Variants in PM20D2 observed in about 807,000 individuals in gnomAD.
The protein encoded by PM20D2 is peptidase M20 domain containing 2.
In PM20D2, 33 loss-of-function variants were observed where a neutral mutation model predicts 42.9. The ratio of observed to expected loss-of-function variants is 0.77; its 90% confidence interval spans 0.58 to 1.03. PM20D2 has a LOEUF of 1.03. Ranked by LOEUF, PM20D2 falls within the 50% of genes least tolerant of loss-of-function variation. The pLI is 0.00. For synonymous variants in PM20D2, 250 were observed against 228.2 expected (o/e 1.10, Z -0.86); for missense variants, 548 against 557.0 (o/e 0.98, Z 0.16).
intron 4 of PM20D2, among the ~76,000 whole-genome samples, chr6:89,155,639 C>G (rs1771020235): frequency 6.6e-6 from 1 of 152,116 alleles, no homozygotes; most frequent in Non-Finnish European, 1.5e-5. Context: ...GATATAAATA[C>G]TATGGCTTGC....
At chr6:89,143,288 A>T (rs1336520446), upstream of PM20D2, among the ~76,000 whole-genome samples, 1 of 152,188 alleles carries the variant, frequency 6.6e-6, no homozygotes, top group Admixed American at 6.5e-5. Flanking sequence ...GCTGTATTTT[A>T]GTTGCTTTTC....
chr6:89,156,560 A>G lies in PM20D2; in HGVS notation c.912+1658A>G, dbSNP rs563101585. ...GATTCACGTAGTAGCAGTATCTCAC[A>G]GTAGCAGTAATTCTCAGAAAGCATA... On this transcript the variant is annotated intron_variant, in intron 4 of 6. Coordinates refer to ENST00000275072, the MANE Select transcript of PM20D2 (RefSeq NM_001010853.3). Among the ~76,000 whole-genome samples, 5 of 152,342 alleles carry G rather than the reference A, an allele frequency of 3.3e-5. No homozygotes were observed. The East Asian group carries it at 9.6e-4, about 29-fold the overall frequency.
chr6:89,096,015 G>GA, the PM20D2 span: 1 of 152,144 alleles, frequency 6.6e-6, no homozygotes, highest in South Asian at 2.1e-4. Context: ...AATGGGCCAA[G>GA]AAACAATTCT....
Position 89,158,353 on chromosome 6 carries a change from A to G in PM20D2, c.941A>G (p.Tyr314Cys), listed in dbSNP as rs775511929. ...GAAATTAAAGGTGGAGCACATGATT[A>G]TTACAATGTTCTTCCCAATAAGAGC... ...TVEIKGGAHD[Y>C]YNVLPNKSLW... The change falls in exon 5 of 7, where the codon TAT (tyrosine) becomes TGT (cysteine). Residue 314 changes from tyrosine (Y) to cysteine (C), a missense_variant. Coordinates refer to ENST00000275072, the MANE Select transcript of PM20D2 (RefSeq NM_001010853.3). The G allele has an allele frequency of 1.3e-6, 2 of 1,598,168 alleles. No homozygotes were observed. Among genetic ancestry groups the G allele is most frequent in the Non-Finnish European group, 1.7e-6 (2 of 1,176,164 alleles).
At chr6:89,105,138 GCCT>G in the PM20D2 span, 1 of 1,612,004 alleles carries the variant, frequency 6.2e-7, no homozygotes, top group Non-Finnish European at 8.5e-7. Flanking sequence ...CTGTCTGACC[GCCT>G]CCTATTTCTT....
chr6:89,137,119 T>C, the PM20D2 span, among the ~76,000 whole-genome samples: 1 of 146,980 alleles, frequency 6.8e-6, no homozygotes, highest in Non-Finnish European at 1.5e-5. Context: ...CTGCTTTGGA[T>C]ATTAAATCAA....
At chr6:89,157,176 G>A (rs1771077765) in intron 4 of PM20D2, among the ~76,000 whole-genome samples, 2 of 152,072 alleles carry the variant, frequency 1.3e-5, no homozygotes, top group East Asian at 3.9e-4. Flanking sequence ...AGTGATCCTC[G>A]TGCTTTGGCC....
At chr6:89,148,478 A>T (rs940435174) in intron 1 of PM20D2, 2 of 893,110 alleles carry the variant, frequency 2.2e-6, no homozygotes, top group South Asian at 1.0e-4. Context: ...AAGCTTAAAT[A>T]TCAAAGTAAA....
chr6:89,154,814 T>C lies in PM20D2; in HGVS notation c.824T>C (p.Phe275Ser). Residue 275 changes from phenylalanine to serine, a missense_variant, in exon 4 of 7, where the codon TTC becomes TCC. Physicochemically the swap from Phe to Ser is radical, Grantham distance 155. Around this residue, in one of 3 missense-constraint regions of PM20D2, gnomAD observed 470 missense variants for 464.4 expected, o/e 1.01. Coordinates refer to ENST00000275072, the MANE Select transcript of PM20D2 (RefSeq NM_001010853.3). Reference protein sequence around the residue: ...IPSYSELIYYFRAPSMKELQV... With the variant: ...IPSYSELIYYSRAPSMKELQV... ...TCTTATTCTGAATTAATCTATTACT[T>C]CCGTGCACCCTCAATGAAAGAACTT... The C allele has an allele frequency of 6.2e-7, 1 of 1,608,962 alleles. No homozygotes were observed. Among genetic ancestry groups the C allele is most frequent in the Non-Finnish European group, 8.5e-7 (1 of 1,177,642 alleles).
chr6:89,111,872 G>A, the PM20D2 span, among the ~76,000 whole-genome samples: 1 of 152,132 alleles, frequency 6.6e-6, no homozygotes, highest in Admixed American at 6.5e-5. Flanking sequence ...GTCTCACTCT[G>A]TCACCTAGAC....
the PM20D2 span, among the ~76,000 whole-genome samples, chr6:89,134,106 G>C: frequency 2.0e-5 from 3 of 150,978 alleles, no homozygotes; most frequent in Non-Finnish European, 4.4e-5. Flanking sequence ...TTGCAGCCTC[G>C]GCCCTGACTC....
At chr6:89,114,774 G>A in the PM20D2 span, among the ~76,000 whole-genome samples, 1 of 152,112 alleles carries the variant, frequency 6.6e-6, no homozygotes, top group East Asian at 1.9e-4. Context: ...GTATAAATAT[G>A]AAATTGCCAA....
the PM20D2 span, among the ~76,000 whole-genome samples, chr6:89,099,626 C>G: frequency 6.6e-6 from 1 of 151,056 alleles, no homozygotes. Context: ...ACCTCCGCCT[C>G]CCAGGTTTGA....
the PM20D2 span, among the ~76,000 whole-genome samples, chr6:89,108,642 G>A: frequency 1.3e-5 from 2 of 152,150 alleles, no homozygotes; most frequent in African/African-American, 4.8e-5. Context: ...AAAAGATGGT[G>A]TCAGTGACAA....
the PM20D2 span, among the ~76,000 whole-genome samples, chr6:89,113,881 G>A: frequency 1.3e-5 from 2 of 152,040 alleles, no homozygotes; most frequent in Non-Finnish European, 2.9e-5. Flanking sequence ...GAGCTTAAGT[G>A]ATCTACCCAC....
At chr6:89,161,209 C>A (rs1254174049) in intron 5 of PM20D2, among the ~76,000 whole-genome samples, 1 of 152,050 alleles carries the variant, frequency 6.6e-6, no homozygotes, top group Non-Finnish European at 1.5e-5. Context: ...GTTTGATCTA[C>A]CTTGAAGACA....
At chr6:89,112,850 C>G in the PM20D2 span, among the ~76,000 whole-genome samples, 1 of 152,180 alleles carries the variant, frequency 6.6e-6, no homozygotes. Context: ...CTGTCCTAGA[C>G]AGGTGTACCT....
intron 2 of PM20D2, among the ~76,000 whole-genome samples, chr6:89,150,188 C>T (rs1770779960): frequency 1.3e-5 from 2 of 152,174 alleles, no homozygotes; most frequent in African/African-American, 2.4e-5. Flanking sequence ...GGTATCCCAC[C>T]TCTTAGCACC....
chr6:89,125,803 C>T, the PM20D2 span, among the ~76,000 whole-genome samples: 1 of 149,780 alleles, frequency 6.7e-6, no homozygotes, highest in Non-Finnish European at 1.5e-5. Flanking sequence ...AAAAAATTCT[C>T]AGCCAGGCAC....
Sources: allele counts gnomAD v4.1 joint callset (sites outside exome capture counted in the v4.1 genomes callset), GRCh38; gene constraint gnomAD v4.1.1; regional missense constraint gnomAD v4.1.1; transcripts MANE v1.5; gene names NCBI Gene and HGNC (gene_info 2026-07-23, HGNC 2026-07-21).